The following GRIA1 variants were observed in gnomAD, a reference collection of about 807,000 sequenced individuals.
GRIA1 encodes the protein glutamate receptor 1.
A neutral mutation model predicts 99.2 loss-of-function variants in GRIA1; 31 were observed. That is an observed-to-expected ratio of 0.31 (90% CI 0.23 to 0.42). The LOEUF (loss-of-function observed/expected upper bound fraction) is 0.42, where lower values mean the gene tolerates loss of function less well. Among genes scored for constraint, GRIA1 ranks in the 10% least tolerant of loss-of-function variants. The pLI is 1.00. For missense variants in GRIA1, 782 were observed against 1,157.5 expected (o/e 0.68, Z 4.71); for synonymous variants, 438 against 432.4 (o/e 1.01, Z -0.16).
At chr5:153,682,036 CA>C (rs11351483) in intron 7 of GRIA1, among the ~76,000 whole-genome samples, 30,674 of 133,322 alleles carry the variant, frequency 0.23, 3,151 homozygotes, top group Non-Finnish European at 0.25. Context: ...GAGACTATGT[CA>C]AAAAAAAAAA....
intron 2 of GRIA1, among the ~76,000 whole-genome samples, chr5:153,639,633 G>A (rs568710620): frequency 6.6e-6 from 1 of 152,258 alleles, no homozygotes; most frequent in South Asian, 2.1e-4. Flanking sequence ...AATATTCGCA[G>A]CATCCAAAAT....
intron 2 of GRIA1, among the ~76,000 whole-genome samples, chr5:153,593,847 C>T (rs1764193876): frequency 3.9e-5 from 6 of 152,172 alleles, no homozygotes; most frequent in Admixed American, 3.3e-4. Context: ...CTCATTCTTC[C>T]TCATTACCAG....
At chr5:153,722,796 AGACTCCTACGAG>A (rs1760174544) in intron 11 of GRIA1, among the ~76,000 whole-genome samples, 1 of 152,222 alleles carries the variant, frequency 6.6e-6, no homozygotes, top group Non-Finnish European at 1.5e-5. Context: ...CTTCACATAG[AGACTCCTACGAG>A]AAAATGTCTG....
chr5:153,739,311 G>T (rs1761616770), intron 11 of GRIA1, among the ~76,000 whole-genome samples: 1 of 152,004 alleles, frequency 6.6e-6, no homozygotes, highest in Non-Finnish European at 1.5e-5. Context: ...TATTTTCTCT[G>T]CCTGTAACAA....
intron 2 of GRIA1, among the ~76,000 whole-genome samples, chr5:153,641,018 C>T (rs937717547): frequency 1.3e-5 from 2 of 152,072 alleles, no homozygotes; most frequent in Non-Finnish European, 2.9e-5. Flanking sequence ...TCTTATTGTC[C>T]TCTGAGTGAT....
At chr5:153,622,642 A>G (rs140437287) in intron 2 of GRIA1, among the ~76,000 whole-genome samples, 2 of 152,356 alleles carry the variant, frequency 1.3e-5, no homozygotes, top group African/African-American at 4.8e-5. Flanking sequence ...ATTTGAATTT[A>G]TGGAACATGA....
At chr5:153,686,179 A>C in intron 7 of GRIA1, 46 bp from the exon 8 acceptor site, 3 of 1,353,882 alleles carry the variant, frequency 2.2e-6, no homozygotes, top group Non-Finnish European at 3.2e-6. Flanking sequence ...AAACACACAT[A>C]AAGTACATCT....
At chr5:153,594,356 T>C (rs1764241900) in intron 2 of GRIA1, among the ~76,000 whole-genome samples, 1 of 152,216 alleles carries the variant, frequency 6.6e-6, no homozygotes, top group African/African-American at 2.4e-5. Flanking sequence ...ATGTTAGGCT[T>C]CCAAGATTCT....
At chr5:153,531,361 G>A (rs1758082350) in intron 2 of GRIA1, among the ~76,000 whole-genome samples, 1 of 152,150 alleles carries the variant, frequency 6.6e-6, no homozygotes, top group African/African-American at 2.4e-5. Context: ...TACGGGCCCA[G>A]CCAACCAAGG....
At chr5:153,658,862 A>G in intron 5 of GRIA1, among the ~76,000 whole-genome samples, 1 of 152,144 alleles carries the variant, frequency 6.6e-6, no homozygotes, top group Non-Finnish European at 1.5e-5. Context: ...ATCACTTCGG[A>G]GGAATGCTTC....
chr5:153,766,037 C>T (rs930667882), intron 12 of GRIA1, among the ~76,000 whole-genome samples: 1 of 152,164 alleles, frequency 6.6e-6, no homozygotes, highest in East Asian at 1.9e-4. Flanking sequence ...CTCCAGGCCC[C>T]GAACAAACCA....
At chr5:153,509,791 T>A (rs1755883475) in intron 2 of GRIA1, among the ~76,000 whole-genome samples, 1 of 152,218 alleles carries the variant, frequency 6.6e-6, no homozygotes, top group South Asian at 2.1e-4. Flanking sequence ...GTGCTTAGCA[T>A]AAGGCCTGGC....
intron 2 of GRIA1, among the ~76,000 whole-genome samples, chr5:153,555,299 G>A (rs1424777156): frequency 6.6e-6 from 1 of 151,006 alleles, no homozygotes; most frequent in Non-Finnish European, 1.5e-5. Flanking sequence ...TAACTTTGAA[G>A]GATGTCCACC....
intron 13 of GRIA1, among the ~76,000 whole-genome samples, chr5:153,774,570 A>C (rs1017994514): frequency 1.3e-5 from 2 of 152,158 alleles, no homozygotes; most frequent in African/African-American, 4.8e-5. Context: ...CTCCAGGCTT[A>C]CTGCCTGTAG....
chr5:153,524,188 G>A (rs1446767629), intron 2 of GRIA1, among the ~76,000 whole-genome samples: 15 of 152,260 alleles, frequency 9.9e-5, no homozygotes, highest in Middle Eastern at 6.8e-3. Flanking sequence ...TTAGCTGGGC[G>A]TGGTGGGGCT....
intron 2 of GRIA1, among the ~76,000 whole-genome samples, chr5:153,552,608 T>C (rs1760254155): frequency 2.0e-5 from 3 of 152,110 alleles, no homozygotes; most frequent in Admixed American, 1.3e-4. Flanking sequence ...TTTTTTTTTT[T>C]AATTCCCCAG....
At chr5:153,604,665 C>T (rs528521002) in intron 2 of GRIA1, among the ~76,000 whole-genome samples, 7 of 152,234 alleles carry the variant, frequency 4.6e-5, no homozygotes, top group African/African-American at 1.7e-4. Context: ...AGAACTTTAC[C>T]ACCTAAGCAT....
intron 2 of GRIA1, among the ~76,000 whole-genome samples, chr5:153,543,028 C>T (rs1759274468): frequency 6.6e-6 from 1 of 152,194 alleles, no homozygotes; most frequent in Non-Finnish European, 1.5e-5. Context: ...ATACATAAAG[C>T]AATTAGCATA....
chr5:153,603,306 T>A (rs2149400628), intron 2 of GRIA1, among the ~76,000 whole-genome samples: 1 of 152,372 alleles, frequency 6.6e-6, no homozygotes, highest in Non-Finnish European at 1.5e-5. Context: ...CCACATTTTC[T>A]TAATCCAGTC....
Sources: allele counts gnomAD v4.1 joint callset (sites outside exome capture counted in the v4.1 genomes callset), GRCh38; gene constraint gnomAD v4.1.1; transcripts MANE v1.5; gene names NCBI Gene and HGNC (gene_info 2026-07-23, HGNC 2026-07-21).